Variants in FAM168A observed in about 807,000 individuals in gnomAD.
The protein encoded by FAM168A is family with sequence similarity 168 member A, also known as protein FAM168A.
FAM168A carries 3 observed loss-of-function variants against 28.5 expected under a neutral mutation model. The ratio of observed to expected loss-of-function variants is 0.11; its 90% CI spans 0.05 to 0.27. FAM168A has a LOEUF of 0.27. Ranked by LOEUF, FAM168A falls within the 10% of genes least tolerant of loss-of-function variation. FAM168A has a pLI of 1.00. For missense variants in FAM168A, 222 were observed against 311.5 expected (o/e 0.71, Z 2.16); for synonymous variants, 122 against 124.2 (o/e 0.98, Z 0.12).
Position 73,589,996 on chromosome 11 carries a change from G to A in FAM168A, c.-19+7927C>T, listed in dbSNP as rs142099525. ...TATATTCCATGCAAAACAACAAACT[G>A]CAACAGACTGAATACTGAGGCAGAT... On this transcript the variant is annotated intron_variant, in intron 1 of 7. Transcript: ENST00000356467. Among the ~76,000 whole-genome samples the A allele has an allele frequency of 2.8e-3, 430 of 152,230 alleles. 16 individuals are homozygous for A. The East Asian group carries it at 0.071, about 25-fold the overall frequency.
At chr11:73,554,228 A>T (rs1451047778) in intron 1 of FAM168A, among the ~76,000 whole-genome samples, 2 of 151,864 alleles carry the variant, frequency 1.3e-5, no homozygotes, top group African/African-American at 4.8e-5. Context: ...CAAAATTTTA[A>T]ATTAGCTGGG....
intron 1 of FAM168A, among the ~76,000 whole-genome samples, chr11:73,582,453 G>T (rs1194400551): frequency 6.6e-6 from 1 of 151,864 alleles, no homozygotes; most frequent in Non-Finnish European, 1.5e-5. Context: ...AACCCAGGAG[G>T]CGGAGCTTGC....
chr11:73,457,659 T>G (rs572942816), intron 2 of FAM168A, among the ~76,000 whole-genome samples: 15 of 141,798 alleles, frequency 1.1e-4, no homozygotes, highest in Middle Eastern at 3.7e-3. Flanking sequence ...GAGGATCAAC[T>G]TGAGCCCAAG....
chr11:73,549,044 C>T (rs1445828410), intron 1 of FAM168A, among the ~76,000 whole-genome samples: 1 of 152,148 alleles, frequency 6.6e-6, no homozygotes, highest in Non-Finnish European at 1.5e-5. Flanking sequence ...CGAGTTCAAG[C>T]AATTCTCCTG....
At chr11:73,575,041 A>G (rs1181619591) in intron 1 of FAM168A, among the ~76,000 whole-genome samples, 1 of 152,118 alleles carries the variant, frequency 6.6e-6, no homozygotes, top group African/African-American at 2.4e-5. Context: ...TCATATCCCT[A>G]TTTTGCAGAT....
intron 4 of FAM168A, among the ~76,000 whole-genome samples, chr11:73,416,820 C>A (rs1866702143): frequency 6.6e-6 from 1 of 152,080 alleles, no homozygotes; most frequent in Non-Finnish European, 1.5e-5. Flanking sequence ...GTTTTGCATG[C>A]CTGTGGTCCC....
At chr11:73,443,488 C>T (rs556738564) in intron 2 of FAM168A, among the ~76,000 whole-genome samples, 4 of 152,192 alleles carry the variant, frequency 2.6e-5, no homozygotes, top group South Asian at 2.1e-4. Context: ...GGAAGAAAGA[C>T]GAAAAGACTT....
Position 73,551,033 on chromosome 11 carries a change from C to T in FAM168A, c.-19+46890G>A, listed in dbSNP as rs191736581. 9.0e-3 allele frequency among the ~76,000 whole-genome samples: 1,360 copies of T among 151,740 alleles called. 12 individuals carry two copies. Among genetic ancestry groups the T allele is most frequent in the Middle Eastern group, 0.017 (5 of 294 alleles). On this transcript the variant is annotated intron_variant, in intron 1 of 7. Transcript: ENST00000356467. ...GGCTGAGGCGGAAGAATGGCATGAA[C>T]CCAGGAGGTGGAGCTTGCAGTGAGC...
chr11:73,409,510 C>T lies in FAM168A; in HGVS notation c.572G>A (p.Gly191Asp). 2 of 1,613,904 alleles carry T rather than the reference C, an allele frequency of 1.2e-6. No homozygotes were observed. Among genetic ancestry groups the T allele is most frequent in the Non-Finnish European group, 1.7e-6 (2 of 1,179,912 alleles). ...TNGVAMGMVA[G>D]TTMAMSAGTL... ...ACCTGCTGACATTGCCATGGTGGTG[C>T]CTGCCACCATGCCCATGGCCACACC... The change falls in exon 6 of 8, where the codon GGC becomes GAC. Residue 191 changes from glycine to aspartate, a missense_variant. Physicochemically the swap from Gly to Asp is moderately conservative, Grantham distance 94. This residue lies in a region of FAM168A where 64 missense variants were observed against 94.6 expected (regional missense o/e 0.68). Coordinates refer to ENST00000356467, the MANE Select transcript of FAM168A (RefSeq NM_015159.3).
rs115877878 is a variant in FAM168A at position 73,569,238 on chromosome 11, T to G, written c.-19+28685A>C. Among the ~76,000 whole-genome samples the G allele has an allele frequency of 4.1e-3, 632 of 152,324 alleles. 7 individuals are homozygous for G. Among genetic ancestry groups the G allele is most frequent in the African/African-American group, 0.015 (608 of 41,582 alleles). On this transcript the variant is annotated intron_variant, in intron 1 of 7. Transcript: ENST00000356467. ...AAACTAGCAATTTTAGTATCGCCAC[T>G]CTTTAATACTAGACACAGCATCAAC...
At position 73,462,963 on chromosome 11, in the gene FAM168A, A is replaced by T. The variant is rs563600740; in HGVS notation, c.70+5442T>A. Among the ~76,000 whole-genome samples the T allele has an allele frequency of 5.4e-4, 82 of 152,118 alleles. 1 individual carries two copies. Among genetic ancestry groups the T allele is most frequent in the African/African-American group, 1.7e-3 (72 of 41,504 alleles). On this transcript the variant is annotated intron_variant, in intron 2 of 7. Coordinates refer to ENST00000356467, the MANE Select transcript of FAM168A (RefSeq NM_015159.3). ...AGAAGAGGTTAAGATAGCAAATTTT[A>T]AAAAAATTATTTATTTATTTTTTGA...
chr11:73,419,176 G>C (rs1249665234), intron 4 of FAM168A, among the ~76,000 whole-genome samples: 1 of 152,160 alleles, frequency 6.6e-6, no homozygotes, highest in Non-Finnish European at 1.5e-5. Flanking sequence ...TTAAAAATTA[G>C]ATGTGACGGT....
chr11:73,597,433 C>A (rs1944449629), intron 1 of FAM168A, among the ~76,000 whole-genome samples: 2 of 152,040 alleles, frequency 1.3e-5, no homozygotes, highest in Middle Eastern at 3.4e-3. Flanking sequence ...TCTGAATTAA[C>A]ACTACGCAGG....
chr11:73,408,792 A>C (rs1371205696), intron 6 of FAM168A, among the ~76,000 whole-genome samples: 1 of 152,030 alleles, frequency 6.6e-6, no homozygotes, highest in Non-Finnish European at 1.5e-5. Context: ...AAAAAAAAAA[A>C]AAAAAACCTA....
chr11:73,489,033 T>C (rs1249295304), intron 1 of FAM168A, among the ~76,000 whole-genome samples: 1 of 151,682 alleles, frequency 6.6e-6, no homozygotes, highest in Non-Finnish European at 1.5e-5. Flanking sequence ...GGACTGTAAG[T>C]GTATGCCCGT....
At chr11:73,496,769 C>G (rs1375320882) in intron 1 of FAM168A, among the ~76,000 whole-genome samples, 1 of 151,902 alleles carries the variant, frequency 6.6e-6, no homozygotes, top group African/African-American at 2.4e-5. Context: ...ACCGTGTTAG[C>G]CAGGATGGTC....
intron 1 of FAM168A, among the ~76,000 whole-genome samples, chr11:73,565,141 C>G (rs1944007352): frequency 6.6e-6 from 1 of 152,132 alleles, no homozygotes; most frequent in Non-Finnish European, 1.5e-5. Flanking sequence ...AAGGACTTGT[C>G]CACACTGCAG....
intron 2 of FAM168A, among the ~76,000 whole-genome samples, chr11:73,433,500 C>T (rs909029187): frequency 2.0e-5 from 3 of 151,974 alleles, no homozygotes; most frequent in African/African-American, 4.8e-5. Flanking sequence ...TTTCTTCTAA[C>T]AGTTTTATGG....
At chr11:73,496,342 T>C (rs1854871865) in intron 1 of FAM168A, among the ~76,000 whole-genome samples, 1 of 152,194 alleles carries the variant, frequency 6.6e-6, no homozygotes, top group Admixed American at 6.5e-5. Context: ...GTTCAACGGA[T>C]ATATTAGGTT....
Sources: allele counts gnomAD v4.1 joint callset (sites outside exome capture counted in the v4.1 genomes callset), GRCh38; gene constraint gnomAD v4.1.1; regional missense constraint gnomAD v4.1.1; transcripts MANE v1.5; gene names NCBI Gene and HGNC (gene_info 2026-07-23, HGNC 2026-07-21).